RAB11FIP3: variants seen among roughly 807,000 people sequenced by gnomAD.
The protein encoded by RAB11FIP3 is rab11 family-interacting protein 3.
Under a neutral mutation model 77.8 loss-of-function variants are expected in RAB11FIP3, and 17 were observed. That is an observed-to-expected ratio of 0.22 (90% CI 0.15 to 0.33). The LOEUF (loss-of-function observed/expected upper bound fraction) is 0.33. Ranked by LOEUF, RAB11FIP3 falls within the 10% of genes least tolerant of loss-of-function variation. RAB11FIP3 has a pLI of 1.00. For missense variants in RAB11FIP3, 1,005 were observed against 1,011.2 expected (o/e 0.99, Z 0.08); for synonymous variants, 437 against 448.2 (o/e 0.98, Z 0.31).
At position 520,535 on chromosome 16, in the gene RAB11FIP3, G is replaced by T. The variant is rs747480443; in HGVS notation, c.2093G>T (p.Ser698Ile). The T allele has an allele frequency of 1.9e-6, 3 of 1,613,696 alleles. No homozygotes were observed. The highest frequency in any genetic ancestry group is 2.5e-6 in the Non-Finnish European group (3 of 1,180,028). ...IITLSIQGAKSLFSTAFSESL... is the reference protein window; with the variant it reads ...IITLSIQGAKILFSTAFSESL... ...ACCCTCAGCATCCAGGGCGCCAAGA[G>T]CCTCTTCTCCACAGCCTTCTCTGAG... Residue 698 changes from serine to isoleucine, a missense_variant, in exon 13 of 14, where the codon AGC becomes ATC. Around this residue, in one of 4 missense-constraint regions of RAB11FIP3, gnomAD observed 90 missense variants for 129.7 expected, o/e 0.69. Coordinates refer to ENST00000262305, the MANE Select transcript of RAB11FIP3 (RefSeq NM_014700.4).
intron 1 of RAB11FIP3, among the ~76,000 whole-genome samples, chr16:429,799 A>G (rs1209693504): frequency 6.6e-6 from 1 of 152,112 alleles, no homozygotes; most frequent in African/African-American, 2.4e-5. Flanking sequence ...TGCCCGGCCA[A>G]GTATCTTAAT....
In RAB11FIP3 at chr16:472,520, C is replaced by T. The variant is rs913651119; in HGVS notation, c.903+1131C>T. ...TGCTGGGAGACCCCAGGACTACAGACGGTGGCTCCTGTGCCCTGAGAAGGA... is the reference window on the plus strand; with the variant it reads ...TGCTGGGAGACCCCAGGACTACAGATGGTGGCTCCTGTGCCCTGAGAAGGA... On this transcript the variant is annotated intron_variant, in intron 3 of 13. Transcript: ENST00000262305. The surrounding 1 kb of genome is among the most constrained non-coding windows in gnomAD (Gnocchi z 4.1). Among the ~76,000 whole-genome samples, 1 of 152,208 alleles carries T rather than the reference C, an allele frequency of 6.6e-6. No individual in the cohort carries two copies. The highest frequency in any genetic ancestry group is 1.5e-5 in the Non-Finnish European group (1 of 68,040).
At chr16:449,764 C>T (rs2141609658) in intron 1 of RAB11FIP3, among the ~76,000 whole-genome samples, 1 of 152,102 alleles carries the variant, frequency 6.6e-6, no homozygotes, top group East Asian at 1.9e-4. Flanking sequence ...CCCGCCTGGC[C>T]AACATCGTGA....
intron 3 of RAB11FIP3, among the ~76,000 whole-genome samples, chr16:475,450 T>C (rs2055885333): frequency 6.6e-6 from 1 of 152,178 alleles, no homozygotes; most frequent in Admixed American, 6.5e-5. Flanking sequence ...GGGGCCGGTG[T>C]GAGCTGTTAC....
chr16:505,393 C>A lies in RAB11FIP3; in HGVS notation c.1396-131C>A. On this transcript the variant is annotated intron_variant, in intron 7 of 13. Transcript: ENST00000262305. The surrounding 1 kb of genome is among the most constrained non-coding windows in gnomAD (Gnocchi z 4.0). Reference sequence around the variant, plus strand: ...GGTTTATGGGACAAGTTGGATCCAACACCAGCCTAGCTAGGTGGATCTGAT... The same window carrying A: ...GGTTTATGGGACAAGTTGGATCCAAAACCAGCCTAGCTAGGTGGATCTGAT... The A allele has an allele frequency of 1.5e-6, 1 of 685,384 alleles. No homozygotes were observed. The highest frequency in any genetic ancestry group is 2.4e-6 in the Non-Finnish European group (1 of 411,008). 42.5% of individuals were successfully genotyped at this position (685,384 alleles called of 1,614,324 possible).
In RAB11FIP3 at chr16:503,176, C is replaced by T. The variant is rs1180280094; in HGVS notation, c.1395+79C>T. On this transcript the variant is annotated intron_variant, in intron 7 of 13. Coordinates refer to ENST00000262305, the MANE Select transcript of RAB11FIP3 (RefSeq NM_014700.4). ...CGCCTAAGGGCCGCTGCAGACACCC[C>T]GGGAGGTGGGGACAGCACAGCCGGA... 9.1e-6 allele frequency: 11 copies of T among 1,211,832 alleles called. No homozygotes were observed. The East Asian group carries it at 9.8e-5, about 11-fold the overall frequency. 75.1% of individuals were successfully genotyped at this position (1,211,832 alleles called of 1,614,324 possible). A position where few individuals can be genotyped will look rare whatever the true frequency, so the allele number is the denominator to read the frequency against.
Position 448,617 on chromosome 16 carries a change from T to C in RAB11FIP3, c.715-12787T>C, listed in dbSNP as rs189576056. Among the ~76,000 whole-genome samples the C allele has an allele frequency of 5.1e-3, 776 of 151,584 alleles. 4 individuals are homozygous for C. The highest frequency in any genetic ancestry group is 0.018 in the African/African-American group (743 of 41,278). On this transcript the variant is annotated intron_variant, in intron 1 of 13. Transcript: ENST00000262305. ...CGGGCATGGTGGCGGGCGCCTGTAG[T>C]CCCAGCTACTCGGGAGGCTGAGGCA...
intron 1 of RAB11FIP3, among the ~76,000 whole-genome samples, chr16:443,755 G>A (rs934165838): frequency 6.6e-6 from 1 of 152,264 alleles, no homozygotes; most frequent in East Asian, 1.9e-4. Context: ...TAGTAGAGAC[G>A]GGGTTTCACC....
At chr16:466,175 G>T (rs1389094382) in intron 2 of RAB11FIP3, among the ~76,000 whole-genome samples, 2 of 152,174 alleles carry the variant, frequency 1.3e-5, no homozygotes, top group Non-Finnish European at 2.9e-5. Context: ...GTGACTGAGG[G>T]CAGCCTGCAG....
At position 476,682 on chromosome 16, in the gene RAB11FIP3, C is replaced by A. The variant is rs779820383; in HGVS notation, c.903+5293C>A. Among the ~76,000 whole-genome samples, 3 of 150,530 alleles carry A rather than the reference C, an allele frequency of 2.0e-5. No homozygotes were observed. The East Asian group carries it at 5.8e-4, about 29-fold the overall frequency. On this transcript the variant is annotated intron_variant, in intron 3 of 13. Transcript: ENST00000262305. ...ATCCCAGCACTTTGGGAGGCTGAGG[C>A]AGGAGAATTGCTTGAACCCGGGAGG... is the stretch of plus-strand genomic sequence containing the variant.
intron 9 of RAB11FIP3, among the ~76,000 whole-genome samples, chr16:512,368 G>C (rs1376482523): frequency 6.6e-6 from 1 of 151,514 alleles, no homozygotes; most frequent in African/African-American, 2.4e-5. Flanking sequence ...AGCCTCCCGA[G>C]TAGCTGGGAC....
intron 5 of RAB11FIP3, chr16:489,242 G>C: frequency 1.8e-6 from 1 of 556,638 alleles, no homozygotes; most frequent in Admixed American, 3.4e-5. Context: ...GCAAAATCCT[G>C]TGGCACAGAG....
In RAB11FIP3 at chr16:426,612, G is replaced by A. The variant is rs939804959; in HGVS notation, c.606G>A (p.Glu202=). 6.3e-7 allele frequency: 1 copy of A among 1,595,726 alleles called. No homozygotes were observed. The highest frequency in any genetic ancestry group is 8.5e-7 in the Non-Finnish European group (1 of 1,172,066). Residue 202 remains glutamate (E), a synonymous_variant, in exon 1 of 14, where the codon GAG becomes GAA. Coordinates refer to ENST00000262305, the MANE Select transcript of RAB11FIP3 (RefSeq NM_014700.4). The surrounding 1 kb of genome is among the most constrained non-coding windows in gnomAD (Gnocchi z 5.0). ...CGAGCGAGCCCGTGGGGAGTCAGGA[G>A]GACGGCCCCCGCCTCCGAGCCGTGT... ...PLPSEPVGSQ[E]DGPRLRAVFD...
chr16:438,398 G>A (rs540768058), intron 1 of RAB11FIP3, among the ~76,000 whole-genome samples: 3 of 144,340 alleles, frequency 2.1e-5, no homozygotes, highest in Admixed American at 7.0e-5. Context: ...GAGCCGCTGC[G>A]TCCGGCTTTT....
intron 2 of RAB11FIP3, among the ~76,000 whole-genome samples, chr16:467,481 C>T (rs1415330888): frequency 3.7e-4 from 48 of 129,040 alleles, no homozygotes; most frequent in Middle Eastern, 4.6e-3. Flanking sequence ...GGTGCTGGGA[C>T]GTCAGGGAGG....
intron 5 of RAB11FIP3, among the ~76,000 whole-genome samples, chr16:489,740 C>T (rs1174102795): frequency 2.0e-5 from 3 of 152,248 alleles, no homozygotes; most frequent in Admixed American, 6.5e-5. Context: ...CCCGCTGTTA[C>T]TGAGGCCCAG....
At chr16:442,095 C>T (rs2055237321) in intron 1 of RAB11FIP3, among the ~76,000 whole-genome samples, 1 of 152,170 alleles carries the variant, frequency 6.6e-6, no homozygotes, top group East Asian at 1.9e-4. Context: ...CTTCGGCCTC[C>T]CAAAGTGCTG....
At chr16:479,723 G>A (rs1362408191) in intron 3 of RAB11FIP3, among the ~76,000 whole-genome samples, 1 of 152,114 alleles carries the variant, frequency 6.6e-6, no homozygotes, top group East Asian at 1.9e-4. Flanking sequence ...AGGAGTTCAA[G>A]ACAGCCTGGA....
At chr16:446,150 G>A (rs1163416297) in intron 1 of RAB11FIP3, among the ~76,000 whole-genome samples, 1 of 152,086 alleles carries the variant, frequency 6.6e-6, no homozygotes, top group Non-Finnish European at 1.5e-5. Context: ...AGGCTGAAGT[G>A]GGAAGATTAC....
Sources: allele counts gnomAD v4.1 joint callset (sites outside exome capture counted in the v4.1 genomes callset), GRCh38; gene constraint gnomAD v4.1.1; regional missense constraint gnomAD v4.1.1; non-coding constraint Gnocchi (gnomAD v3.1); transcripts MANE v1.5; gene names NCBI Gene and HGNC (gene_info 2026-07-23, HGNC 2026-07-21).